The following ANTXR2 variants were observed in gnomAD, a reference collection of about 807,000 sequenced individuals.
ANTXR2 encodes the protein anthrax toxin receptor 2.
A neutral mutation model predicts 73.7 loss-of-function variants in ANTXR2; 44 were observed. The ratio of observed to expected loss-of-function variants is 0.60; its 90% CI spans 0.47 to 0.77. The LOEUF (loss-of-function observed/expected upper bound fraction) is 0.77. Ranked by LOEUF, ANTXR2 falls within the 30% of genes least tolerant of loss-of-function variation. ANTXR2 has a pLI of 0.00. For synonymous variants in ANTXR2, 217 were observed against 205.9 expected, an observed-to-expected ratio of 1.05 and a Z score of -0.46; for missense variants, 604 against 592.5, an observed-to-expected ratio of 1.02 and a Z score of -0.20.
chr4:79,916,041 G>C (rs1303139692), intron 16 of ANTXR2, among the ~76,000 whole-genome samples: 2 of 151,972 alleles, frequency 1.3e-5, no homozygotes, highest in Non-Finnish European at 2.9e-5. Context: ...GTCATGAAGA[G>C]AAGTTCTGAG....
chr4:80,013,866 T>C (rs1731712607), intron 11 of ANTXR2, among the ~76,000 whole-genome samples: 1 of 152,232 alleles, frequency 6.6e-6, no homozygotes, highest in African/African-American at 2.4e-5. Context: ...AATTTTCCTA[T>C]AATTACTGTC....
intron 3 of ANTXR2, among the ~76,000 whole-genome samples, chr4:80,060,057 A>G (rs1734173088): frequency 6.8e-6 from 1 of 148,042 alleles, no homozygotes; most frequent in African/African-American, 2.4e-5. Flanking sequence ...CAGATTTCAA[A>G]GCTCTTTCAG....
Position 80,038,473 on chromosome 4 carries a change from C to A in ANTXR2, c.637-2441G>T, listed in dbSNP as rs569476600. 2.7e-4 allele frequency among the ~76,000 whole-genome samples: 41 copies of A among 152,136 alleles called. 1 individual carries two copies. The highest frequency in any genetic ancestry group is 2.4e-3 in the Admixed American group (36 of 15,262). ...ATCTTTGGAGCCAGGCCCTGTATAT[C>A]CCCTATAAGGTATTTTAATTTTAAA... On this transcript the variant is annotated intron_variant, in intron 7 of 16. Transcript: ENST00000403729.
intron 16 of ANTXR2, among the ~76,000 whole-genome samples, chr4:79,952,290 T>C (rs1167911052): frequency 6.6e-6 from 1 of 151,682 alleles, no homozygotes; most frequent in Admixed American, 6.6e-5. Context: ...TATTTGTTAA[T>C]TGCATTTTGC....
intron 16 of ANTXR2, among the ~76,000 whole-genome samples, chr4:79,960,502 A>AAT (rs1729102200): frequency 6.6e-6 from 1 of 152,044 alleles, no homozygotes; most frequent in Non-Finnish European, 1.5e-5. Flanking sequence ...CCAACTTTAT[A>AAT]AGTTTTTTAA....
intron 7 of ANTXR2, among the ~76,000 whole-genome samples, chr4:80,042,661 T>C (rs922937099): frequency 2.6e-5 from 4 of 152,080 alleles, no homozygotes; most frequent in African/African-American, 4.8e-5. Flanking sequence ...AATATGTGAA[T>C]TGATAATATT....
At chr4:79,952,285 G>A (rs1389225619) in intron 16 of ANTXR2, among the ~76,000 whole-genome samples, 1 of 150,894 alleles carries the variant, frequency 6.6e-6, no homozygotes, top group African/African-American at 2.4e-5. Context: ...GTTTTTATTT[G>A]TTAATTGCAT....
chr4:80,045,761 C>T (rs1733490784), intron 7 of ANTXR2, among the ~76,000 whole-genome samples: 1 of 151,724 alleles, frequency 6.6e-6, no homozygotes, highest in Non-Finnish European at 1.5e-5. Flanking sequence ...GCAAAAACAA[C>T]TGGAAAGGTG....
chr4:80,046,891 T>C (rs1733537566), intron 7 of ANTXR2, among the ~76,000 whole-genome samples: 1 of 151,742 alleles, frequency 6.6e-6, no homozygotes, highest in Non-Finnish European at 1.5e-5. Flanking sequence ...TGAAGTATAA[T>C]TGAGAAATTG....
At chr4:79,948,947 C>T (rs1021041667) in intron 16 of ANTXR2, among the ~76,000 whole-genome samples, 4 of 152,134 alleles carry the variant, frequency 2.6e-5, no homozygotes, top group Non-Finnish European at 5.9e-5. Flanking sequence ...TGAGTCAGCA[C>T]TATTATTCCT....
intron 7 of ANTXR2, among the ~76,000 whole-genome samples, chr4:80,040,763 T>C (rs72655029): frequency 1.7e-3 from 258 of 150,230 alleles, no homozygotes; most frequent in African/African-American, 5.3e-3. Flanking sequence ...CACACACACA[T>C]ACACACACAC....
chr4:79,950,519 G>C (rs1433534445), intron 16 of ANTXR2, among the ~76,000 whole-genome samples: 1 of 152,142 alleles, frequency 6.6e-6, no homozygotes, highest in African/African-American at 2.4e-5. Flanking sequence ...CACTCCCATT[G>C]TGGATTATTC....
chr4:80,034,415 TAGAC>T (rs202134160), intron 8 of ANTXR2, among the ~76,000 whole-genome samples: 2,311 of 152,224 alleles, frequency 0.015, 26 homozygotes, highest in South Asian at 0.035. Context: ...ATTCTTGAAT[TAGAC>T]AGATCCAAAT....
At chr4:79,983,715 G>C (rs1578129601) in intron 14 of ANTXR2, among the ~76,000 whole-genome samples, 163 bp downstream of exon 14, 2 of 151,976 alleles carry the variant, frequency 1.3e-5, no homozygotes. Flanking sequence ...GCAGCGGCTA[G>C]GATGATTCCA....
chr4:80,071,570 G>A lies in ANTXR2; in HGVS notation c.224+13C>T. ...CTTCTCCACTGCCTAGAAAAGTAAAGTAAGAAAGATACCTCACAAATCTCT... is the reference window on the plus strand; with the variant it reads ...CTTCTCCACTGCCTAGAAAAGTAAAATAAGAAAGATACCTCACAAATCTCT... On this transcript the variant is annotated intron_variant, in intron 2 of 16. Coordinates refer to ENST00000403729, the MANE Select transcript of ANTXR2 (RefSeq NM_058172.6). 1 of 1,603,584 alleles carries A rather than the reference G, an allele frequency of 6.2e-7. No homozygotes were observed. Among genetic ancestry groups the A allele is most frequent in the Non-Finnish European group, 8.5e-7 (1 of 1,170,518 alleles).
At chr4:79,907,873 G>A (rs1224224879) in intron 16 of ANTXR2, among the ~76,000 whole-genome samples, 1 of 152,132 alleles carries the variant, frequency 6.6e-6, no homozygotes, top group Non-Finnish European at 1.5e-5. Context: ...CATTTAGTAA[G>A]CAGTAAGAGA....
intron 7 of ANTXR2, among the ~76,000 whole-genome samples, chr4:80,036,507 A>G (rs1732966882): frequency 6.6e-6 from 1 of 152,140 alleles, no homozygotes; most frequent in Non-Finnish European, 1.5e-5. Flanking sequence ...ATATCAATAA[A>G]AAAGCACTTC....
chr4:80,033,514 T>C lies in ANTXR2; in HGVS notation c.754A>G (p.Ser252Gly). 6.2e-7 allele frequency: 1 copy of C among 1,600,848 alleles called. No individual in the cohort carries two copies. Among genetic ancestry groups the C allele is most frequent in the East Asian group, 2.3e-5 (1 of 44,306 alleles). Residue 252 changes from serine (S) to glycine (G), a missense_variant, in exon 9 of 17, where the codon AGT (serine) becomes GGT (glycine). Ser to Gly is a moderately conservative substitution (Grantham distance 56, BLOSUM62 0). Transcript: ENST00000403729. Reference sequence around the variant, plus strand: ...TTTACAGTGTAAGTGCAGAGAACACTGCCATTCCGACTGCCCAGCATGAAT... The same window carrying C: ...TTTACAGTGTAAGTGCAGAGAACACCGCCATTCCGACTGCCCAGCATGAAT... ...RGFMLGSRNG[S>G]VLCTYTVNET...
intron 16 of ANTXR2, among the ~76,000 whole-genome samples, chr4:79,957,535 T>C (rs893550955): frequency 1.3e-5 from 2 of 152,114 alleles, no homozygotes; most frequent in Non-Finnish European, 2.9e-5. Context: ...TGAAATTTAC[T>C]TCACTGTCAT....
Sources: allele counts gnomAD v4.1 joint callset (sites outside exome capture counted in the v4.1 genomes callset), GRCh38; gene constraint gnomAD v4.1.1; transcripts MANE v1.5; gene names NCBI Gene and HGNC (gene_info 2026-07-23, HGNC 2026-07-21).